Variants in SLC14A2 observed in about 807,000 individuals in gnomAD.
The protein encoded by SLC14A2 is urea transporter 2.
A neutral mutation model predicts 104.6 loss-of-function variants in SLC14A2; 91 were observed. The ratio of observed to expected loss-of-function variants is 0.87; its 90% CI spans 0.73 to 1.04. SLC14A2 has a LOEUF of 1.04. Ranked by LOEUF, SLC14A2 falls within the 50% of genes least tolerant of loss-of-function variation. The pLI, the probability that SLC14A2 is intolerant of heterozygous loss-of-function variation, is 0.00. For missense variants in SLC14A2, 1,189 were observed against 1,156.0 expected (o/e 1.03, Z -0.41); for synonymous variants, 476 against 466.4 (o/e 1.02, Z -0.27).
At chr18:45,191,928 C>T in the SLC14A2 span, among the ~76,000 whole-genome samples, 2 of 152,274 alleles carry the variant, frequency 1.3e-5, no homozygotes, top group Non-Finnish European at 2.9e-5. Flanking sequence ...GGACAGCTGC[C>T]TTGGTATATT....
At chr18:45,394,963 T>C (rs1460388695) in intron 1 of SLC14A2, among the ~76,000 whole-genome samples, 1 of 152,192 alleles carries the variant, frequency 6.6e-6, no homozygotes. Flanking sequence ...GCAATCACAC[T>C]TTTGGGTACT....
At chr18:45,623,049 G>C (rs1405336865) in intron 1 of SLC14A2, among the ~76,000 whole-genome samples, 1 of 152,136 alleles carries the variant, frequency 6.6e-6, no homozygotes, top group Non-Finnish European at 1.5e-5. Flanking sequence ...AGGTGCAAGA[G>C]AGTTGGAGGA....
intron 2 of SLC14A2, among the ~76,000 whole-genome samples, chr18:45,583,470 C>A (rs910092172): frequency 1.3e-5 from 2 of 152,176 alleles, no homozygotes; most frequent in African/African-American, 4.8e-5. Context: ...CTCACTAGCT[C>A]CTGAATGCCT....
At chr18:45,369,585 T>C (rs1330908147) in intron 1 of SLC14A2, among the ~76,000 whole-genome samples, 2 of 152,236 alleles carry the variant, frequency 1.3e-5, no homozygotes, top group Non-Finnish European at 2.9e-5. Context: ...TGTTTTATGC[T>C]AGCATCATTA....
chr18:45,422,936 C>T (rs1340505809), intron 1 of SLC14A2, among the ~76,000 whole-genome samples: 1 of 152,156 alleles, frequency 6.6e-6, no homozygotes, highest in Non-Finnish European at 1.5e-5. Flanking sequence ...CTAATTTCTG[C>T]TTCTTTTTGC....
At chr18:45,530,579 T>C (rs148101185) in intron 2 of SLC14A2, among the ~76,000 whole-genome samples, 5 of 152,280 alleles carry the variant, frequency 3.3e-5, no homozygotes, top group African/African-American at 9.6e-5. Context: ...GAACCATCTA[T>C]GTCTAAATAT....
At chr18:45,375,101 G>A (rs1361736060) in intron 1 of SLC14A2, among the ~76,000 whole-genome samples, 2 of 152,160 alleles carry the variant, frequency 1.3e-5, no homozygotes, top group African/African-American at 4.8e-5. Flanking sequence ...TGTCCTTGTT[G>A]CTTCCTGGCT....
At chr18:45,507,934 G>A (rs183943331) in intron 2 of SLC14A2, among the ~76,000 whole-genome samples, 3 of 152,320 alleles carry the variant, frequency 2.0e-5, no homozygotes, top group Admixed American at 2.0e-4. Flanking sequence ...GCAATCTGGG[G>A]CCATCTGGCA....
At chr18:45,276,843 G>A (rs894758009) in intron 1 of SLC14A2, among the ~76,000 whole-genome samples, 2 of 152,172 alleles carry the variant, frequency 1.3e-5, no homozygotes, top group Non-Finnish European at 2.9e-5. Flanking sequence ...GTTTAGACCC[G>A]ACTTTCCACT....
chr18:45,233,383 A>G (rs2084193929), intron 1 of SLC14A2, among the ~76,000 whole-genome samples: 1 of 152,118 alleles, frequency 6.6e-6, no homozygotes, highest in African/African-American at 2.4e-5. Context: ...TGGTTATACA[A>G]ATTATGTGAC....
chr18:45,397,046 T>C (rs1027626866), intron 1 of SLC14A2, among the ~76,000 whole-genome samples: 1 of 152,232 alleles, frequency 6.6e-6, no homozygotes, highest in African/African-American at 2.4e-5. Flanking sequence ...TGTACCACAT[T>C]TTCTTTATCC....
intron 10 of SLC14A2, among the ~76,000 whole-genome samples, chr18:45,645,622 T>TATACATATATATATATATATATAC (rs370081713): frequency 1.2e-4 from 16 of 134,824 alleles, no homozygotes; most frequent in African/African-American, 2.9e-4. Flanking sequence ...AATATATATA[T>TATACATATATATATATATATATAC]ACATATACAA....
Position 45,403,786 on chromosome 18 carries a change from A to AATG in SLC14A2, c.-124-79446_-124-79445insTGA, listed in dbSNP as rs1568185043. Among the ~76,000 whole-genome samples, 27 of 30,182 alleles carry AATG rather than the reference A, an allele frequency of 8.9e-4. No individual in the cohort carries two copies. The South Asian group carries it at 0.023, about 25-fold the overall frequency. 19.8% of individuals were successfully genotyped at this position (30,182 alleles called of 152,430 possible). The stretch of plus-strand genomic sequence containing the variant: ...TGAATGAATGAATGAATGAATGAAT[A>AATG]AATGAGTGGACATTCTATGAGTCAG... On this transcript the variant is annotated intron_variant, in intron 1 of 20. Transcript: ENST00000586448.
intron 2 of SLC14A2, among the ~76,000 whole-genome samples, chr18:45,531,379 A>C (rs1381392308): frequency 6.6e-6 from 1 of 152,128 alleles, no homozygotes; most frequent in Non-Finnish European, 1.5e-5. Context: ...CTGACTTTTT[A>C]ATGATCGCCA....
intron 1 of SLC14A2, among the ~76,000 whole-genome samples, chr18:45,476,761 C>T (rs1278950726): frequency 2.0e-5 from 3 of 152,172 alleles, no homozygotes; most frequent in East Asian, 3.9e-4. Flanking sequence ...CTTTCTTCCA[C>T]TTGATCGATT....
upstream of SLC14A2, among the ~76,000 whole-genome samples, chr18:45,208,490 A>G (rs1229053482): frequency 1.3e-5 from 2 of 152,162 alleles, no homozygotes; most frequent in East Asian, 3.9e-4. Context: ...CTTTCATAGG[A>G]ACGTGCAATA....
Position 45,640,074 on chromosome 18 carries a change from A to T in SLC14A2, c.991+181A>T, listed in dbSNP as rs143917565. 6.6e-3 allele frequency among the ~76,000 whole-genome samples: 998 copies of T among 152,058 alleles called. 10 individuals are homozygous for T. The highest frequency in any genetic ancestry group is 0.011 in the Non-Finnish European group (767 of 67,976). ...TTTGGGAGGCCGAGGCACATAGATG[A>T]CCTGAACTCAGGGTGAAAACCCATC... On this transcript the variant is annotated intron_variant, in intron 7 of 19. Coordinates refer to ENST00000255226, the MANE Select transcript of SLC14A2 (RefSeq NM_007163.4).
At chr18:45,225,370 T>C (rs558498489) in intron 1 of SLC14A2, among the ~76,000 whole-genome samples, 1 of 152,314 alleles carries the variant, frequency 6.6e-6, no homozygotes, top group Non-Finnish European at 1.5e-5. Context: ...TTGTTACCAG[T>C]ACCATGCTGT....
intron 1 of SLC14A2, among the ~76,000 whole-genome samples, chr18:45,352,125 T>C (rs1433726835): frequency 3.9e-5 from 6 of 152,004 alleles, no homozygotes; most frequent in African/African-American, 1.2e-4. Context: ...AAACCTCAGG[T>C]TCTTGATGTG....
Sources: gnomAD v4.1 joint callset for allele counts (sites outside exome capture counted in the v4.1 genomes callset) on GRCh38, gnomAD v4.1.1 for gene constraint, MANE v1.5 for transcripts, NCBI Gene and HGNC (gene_info 2026-07-23, HGNC 2026-07-21) for gene names.